Variants in ATXN2L observed in about 807,000 individuals in gnomAD.
ATXN2L encodes the protein ataxin 2 like.
In ATXN2L, 24 loss-of-function variants were observed where a neutral mutation model predicts 120.7. The ratio of observed to expected loss-of-function variants is 0.20; its 90% confidence interval spans 0.14 to 0.28. The LOEUF (loss-of-function observed/expected upper bound fraction) is 0.28, where lower values mean the gene tolerates loss of function less well. ATXN2L is among the 10% of genes least tolerant of loss of function. ATXN2L has a pLI of 1.00. For missense variants in ATXN2L, 1,312 were observed against 1,432.3 expected, an observed-to-expected ratio of 0.92 and a Z score of 1.36; for synonymous variants, 653 against 568.1, an observed-to-expected ratio of 1.15 and a Z score of -2.13.
intron 15 of ATXN2L, chr16:28,833,830 C>G: frequency 3.1e-6 from 2 of 644,074 alleles, no homozygotes; most frequent in Non-Finnish European, 5.3e-6. Context: ...GCTGACTTGG[C>G]TTGAGCCCCT....
At position 28,833,236 on chromosome 16, in the gene ATXN2L, G is replaced by C; in HGVS notation, c.1837G>C (p.Ala613Pro). ...VSDKEDKPPL[A>P]PSGGTEGPEQ... Reference sequence around the variant, plus strand: ...GGATAAGGAGGACAAACCACCCCTGGCACCATCAGGAGGCACTGAGGGGCC... The same window carrying C: ...GGATAAGGAGGACAAACCACCCCTGCCACCATCAGGAGGCACTGAGGGGCC... Residue 613 changes from alanine (A) to proline (P), a missense_variant, in exon 14 of 22, where the codon GCA becomes CCA. Coordinates refer to ENST00000336783, the MANE Select transcript of ATXN2L (RefSeq NM_007245.4). 3 of 1,614,178 alleles carry C rather than the reference G, an allele frequency of 1.9e-6. No homozygotes were observed. Among genetic ancestry groups the C allele is most frequent in the Non-Finnish European group, 2.5e-6 (3 of 1,180,048 alleles).
intron 20 of ATXN2L, 55 bp from the exon 21 acceptor site, chr16:28,835,494 T>G (rs564823963): frequency 1.2e-6 from 2 of 1,610,506 alleles, no homozygotes; most frequent in Non-Finnish European, 1.7e-6. Context: ...TGGCGAGGAC[T>G]GGGGGCCAGC....
chr16:28,833,726 C>G, intron 15 of ATXN2L: 2 of 616,040 alleles, frequency 3.2e-6, no homozygotes, highest in Non-Finnish European at 5.7e-6. Flanking sequence ...ATCAGGGATC[C>G]CAGTGAGTCT....
intron 1 of ATXN2L, chr16:28,824,004 G>A: frequency 1.4e-6 from 1 of 710,778 alleles, no homozygotes; most frequent in South Asian, 5.4e-5. Flanking sequence ...TTGGCCAATG[G>A]GGAGGGAGGG....
chr16:28,836,751 C>T lies in ATXN2L; in HGVS notation c.*486C>T, dbSNP rs1367084107. 1 of 1,614,054 alleles carries T rather than the reference C, an allele frequency of 6.2e-7. No homozygotes were observed. The highest frequency in any genetic ancestry group is 1.1e-5 in the South Asian group (1 of 91,080). On this transcript the variant is annotated 3_prime_UTR_variant, in exon 22 of 22. Coordinates refer to ENST00000336783, the MANE Select transcript of ATXN2L (RefSeq NM_007245.4). ...AGTTCAATCTCATCCCTCCCAGCAG[C>T]TCCCCTTCCACCCCCCGGGGAACTG...
In ATXN2L at chr16:28,826,935, C is replaced by A; in HGVS notation, c.690C>A (p.Arg230=). 6.3e-7 allele frequency: 1 copy of A among 1,590,076 alleles called. No homozygotes were observed. The change falls in exon 6 of 22, where the codon CGC becomes CGA. Residue 230 remains arginine, a synonymous_variant. Coordinates refer to ENST00000336783, the MANE Select transcript of ATXN2L (RefSeq NM_007245.4). ...AACACAAAGAGAAGGTGCTTCAGCGCTGGGAGGGGGGTGACAGCAACAGCG... is the reference window on the plus strand; with the variant it reads ...AACACAAAGAGAAGGTGCTTCAGCGATGGGAGGGGGGTGACAGCAACAGCG... ...NGEHKEKVLQ[R]WEGGDSNSDD... is the part of the protein sequence containing the mutation.
At chr16:28,834,475 C>CT (rs2055781988) in intron 17 of ATXN2L, 31 bp from the exon 18 acceptor site, 1 of 1,612,934 alleles carries the variant, frequency 6.2e-7, no homozygotes. Context: ...GCAGGTGGAG[C>CT]TTGAGCTCTC....
intron 1 of ATXN2L, 76 bp downstream of exon 1, chr16:28,823,634 C>A: frequency 8.1e-7 from 1 of 1,236,002 alleles, no homozygotes; most frequent in Non-Finnish European, 1.0e-6. Flanking sequence ...GGGCGGACCC[C>A]GACCCGGCAC....
At chr16:28,829,269 C>A (rs567143400) in intron 6 of ATXN2L, 132 bp from the exon 7 acceptor site, 7 of 672,378 alleles carry the variant, frequency 1.0e-5, no homozygotes, top group Admixed American at 9.4e-5. Context: ...TCCCAAAGTA[C>A]TGGGATTACA....
intron 2 of ATXN2L, 85 bp downstream of exon 2, chr16:28,825,487 A>G (rs763015022): frequency 9.1e-6 from 14 of 1,536,140 alleles, no homozygotes; most frequent in Admixed American, 1.7e-5. Context: ...AGGTCTAGAT[A>G]GAGTCTAATG....
intron 12 of ATXN2L, 118 bp downstream of exon 12, chr16:28,832,685 A>C (rs2054952569): frequency 7.1e-7 from 1 of 1,415,866 alleles, no homozygotes; most frequent in Admixed American, 2.0e-5. Context: ...CTTGGATTAT[A>C]ATTTCACTTC....
Position 28,830,516 on chromosome 16 carries a change from T to C in ATXN2L, c.1035-99T>C, listed in dbSNP as rs1369534873. 4 of 1,188,262 alleles carry C rather than the reference T, an allele frequency of 3.4e-6. No individual in the cohort carries two copies. In the African/African-American group the frequency reaches 4.6e-5, roughly 14 times the overall value. The allele number at this position is 1,188,262 out of a possible 1,614,324, so 73.6% of individuals were successfully genotyped here. A position where few individuals can be genotyped will look rare whatever the true frequency, so the allele number is the denominator to read the frequency against. On this transcript the variant is annotated intron_variant, in intron 8 of 21. Transcript: ENST00000336783. ...CTGGAGCCAGGCAGTGTGTGTATGT[T>C]TGGGGGCAGAAGGGGGAGACTTTAG... is the stretch of plus-strand genomic sequence containing the variant.
chr16:28,832,151 A>G, intron 10 of ATXN2L, 54 bp from the exon 11 acceptor site: 1 of 1,584,470 alleles, frequency 6.3e-7, no homozygotes, highest in Non-Finnish European at 8.7e-7. Flanking sequence ...AGGCCCTTGT[A>G]CTCACTGCTG....
At chr16:28,829,781 T>C in intron 7 of ATXN2L, 77 bp from the exon 8 acceptor site, 1 of 1,475,080 alleles carries the variant, frequency 6.8e-7, no homozygotes, top group Non-Finnish European at 9.5e-7. Flanking sequence ...GTGATTGGAC[T>C]TGTTGAAATG....
At chr16:28,829,699 G>A in intron 7 of ATXN2L, 159 bp from the exon 8 acceptor site, 1 of 811,892 alleles carries the variant, frequency 1.2e-6, no homozygotes, top group Admixed American at 2.4e-5. Flanking sequence ...AAGCCTTGGT[G>A]CTCTACCTGG....
Position 28,831,072 on chromosome 16 carries a change from G to GTGGGCC in ATXN2L, c.1321_1321+1insTGGGCC (p.Gly442_Arg443insLeuGly). 6.3e-7 allele frequency: 1 copy of GTGGGCC among 1,590,928 alleles called. No homozygotes were observed. The highest frequency in any genetic ancestry group is 8.6e-7 in the Non-Finnish European group (1 of 1,164,990). On this transcript the variant is annotated inframe_insertion and splice_region_variant. Transcript: ENST00000336783. Reference sequence around the variant, plus strand: ...AACTTCTGTTCCACCTCCTCCTGCAGGTAAAGCTTTAGTAGTGTTGGATGA... The same window carrying GTGGGCC: ...AACTTCTGTTCCACCTCCTCCTGCAGTGGGCCGTAAAGCTTTAGTAGTGTTGGATGA...
Position 28,834,161 on chromosome 16 carries a change from C to G in ATXN2L, c.2122C>G (p.Pro708Ala). The change falls in exon 16 of 22, where the codon CCC becomes GCC. Residue 708 changes from proline to alanine, a missense_variant. Transcript: ENST00000336783. Reference protein sequence around the residue: ...LTAGQSGLYSPQYISYIPQIH... With the variant: ...LTAGQSGLYSAQYISYIPQIH... ...AGCAGGCCAGAGTGGGCTATACAGC[C>G]CCCAGTACATCTCCTACATACCTCA... The G allele has an allele frequency of 6.2e-7, 1 of 1,614,134 alleles. No individual in the cohort carries two copies. Among genetic ancestry groups the G allele is most frequent in the African/African-American group, 1.3e-5 (1 of 75,028 alleles).
Position 28,823,203 on chromosome 16 carries a change from G to T in ATXN2L, c.-57G>T. 1 of 1,185,162 alleles carries T rather than the reference G, an allele frequency of 8.4e-7. No homozygotes were observed. The highest frequency in any genetic ancestry group is 2.5e-5 in the South Asian group (1 of 39,750). 73.4% of individuals were successfully genotyped at this position (1,185,162 alleles called of 1,614,324 possible). A position where few individuals can be genotyped will look rare whatever the true frequency, so the allele number is the denominator to read the frequency against. On this transcript the variant is annotated 5_prime_UTR_variant, in exon 1 of 22. Coordinates refer to ENST00000336783, the MANE Select transcript of ATXN2L (RefSeq NM_007245.4). ...TCCCGCGCTCTCCAGCGGGGCCCCA[G>T]CCCCGGCCCCCTCTCTCCCTCCCTT...
rs761504539 is a variant in ATXN2L at position 28,835,646 on chromosome 16, C to T, written c.2783C>T (p.Pro928Leu). The T allele has an allele frequency of 1.1e-5, 18 of 1,613,930 alleles. No individual in the cohort carries two copies. Among genetic ancestry groups the T allele is most frequent in the East Asian group, 2.2e-5 (1 of 44,892 alleles). Residue 928 changes from proline (P) to leucine (L), a missense_variant, in exon 21 of 22, where the codon CCG (proline) becomes CTG (leucine). Transcript: ENST00000336783. ...ALTGTPPSLP[P>L]GPSAQSPQSS... ...ACAGGCACGCCGCCCTCTCTGCCACCGGGACCTTCTGCCCAGTCCCCTCAG... is the reference window on the plus strand; with the variant it reads ...ACAGGCACGCCGCCCTCTCTGCCACTGGGACCTTCTGCCCAGTCCCCTCAG...
Sources: gnomAD v4.1 joint callset for allele counts on GRCh38, gnomAD v4.1.1 for gene constraint, MANE v1.5 for transcripts, NCBI Gene and HGNC (gene_info 2026-07-23, HGNC 2026-07-21) for gene names.